CAST: variants seen among roughly 807,000 people sequenced by gnomAD.
CAST encodes the protein MIR583 host.
CAST carries 76 observed loss-of-function variants against 119.6 expected under a neutral mutation model. The observed-to-expected ratio is 0.64, with a 90% CI of 0.53 to 0.77. CAST has a LOEUF of 0.77. Ranked by LOEUF, CAST falls within the 30% of genes least tolerant of loss-of-function variation. The pLI, the probability that CAST is intolerant of heterozygous loss-of-function variation, is 0.00. For missense variants in CAST, 953 were observed against 946.5 expected, an observed-to-expected ratio of 1.01 and a Z score of -0.09; for synonymous variants, 319 against 331.6, an observed-to-expected ratio of 0.96 and a Z score of 0.41.
At chr5:96,569,808 T>G (rs1746540573) in intron 1 of CAST, among the ~76,000 whole-genome samples, 2 of 152,250 alleles carry the variant, frequency 1.3e-5, no homozygotes, top group African/African-American at 4.8e-5. Context: ...CTCCTCAGCA[T>G]TGTTTTACTG....
At chr5:96,667,816 C>A (rs1749533888) in intron 1 of CAST, among the ~76,000 whole-genome samples, 1 of 152,126 alleles carries the variant, frequency 6.6e-6, no homozygotes, top group Non-Finnish European at 1.5e-5. Flanking sequence ...AGTTCAAGAC[C>A]AGCCTGGCCA....
At chr5:96,743,883 G>T in intron 16 of CAST, 1 of 601,748 alleles carries the variant, frequency 1.7e-6, no homozygotes, top group Non-Finnish European at 2.8e-6. Context: ...AGGAGGCCAA[G>T]CTGAGTTGTG....
At chr5:96,194,368 T>C in the CAST span, among the ~76,000 whole-genome samples, 6 of 152,190 alleles carry the variant, frequency 3.9e-5, no homozygotes, top group Non-Finnish European at 7.4e-5. Flanking sequence ...CTGCATGTTC[T>C]TAAAACAGGT....
the CAST span, among the ~76,000 whole-genome samples, chr5:96,393,889 G>C: frequency 2.6e-5 from 4 of 152,208 alleles, no homozygotes; most frequent in Admixed American, 2.6e-4. Context: ...CTAGGCTGGG[G>C]AGGAGGGAGC....
the CAST span, chr5:96,423,439 T>C: frequency 6.2e-7 from 1 of 1,614,132 alleles, no homozygotes; most frequent in East Asian, 2.2e-5. Context: ...TGGGCAGGGC[T>C]GCCGTCATCC....
chr5:96,068,995 A>G, the CAST span, among the ~76,000 whole-genome samples: 1 of 151,206 alleles, frequency 6.6e-6, no homozygotes, highest in Non-Finnish European at 1.5e-5. Context: ...ACGGATGTAT[A>G]TATGTATATA....
At chr5:96,005,028 T>C in the CAST span, among the ~76,000 whole-genome samples, 3 of 152,218 alleles carry the variant, frequency 2.0e-5, no homozygotes, top group Non-Finnish European at 4.4e-5. Flanking sequence ...GCCTCTAGAA[T>C]TCTGAGAGAA....
chr5:96,256,382 T>C, the CAST span, among the ~76,000 whole-genome samples: 6 of 142,986 alleles, frequency 4.2e-5, no homozygotes, highest in Non-Finnish European at 7.6e-5. Flanking sequence ...TATATATATA[T>C]ACTATATAAA....
At chr5:96,125,096 G>C in the CAST span, among the ~76,000 whole-genome samples, 1 of 152,134 alleles carries the variant, frequency 6.6e-6, no homozygotes, top group Non-Finnish European at 1.5e-5. Flanking sequence ...TATCGTAACT[G>C]CCCATACCTT....
At chr5:96,638,077 G>T (rs1266259242) in intron 1 of CAST, among the ~76,000 whole-genome samples, 12 of 152,278 alleles carry the variant, frequency 7.9e-5, no homozygotes, top group Non-Finnish European at 1.5e-5. Flanking sequence ...GAAGAGGTTG[G>T]GCCCTTCATC....
chr5:96,453,097 T>C, the CAST span, among the ~76,000 whole-genome samples: 1 of 152,006 alleles, frequency 6.6e-6, no homozygotes, highest in Non-Finnish European at 1.5e-5. Flanking sequence ...TTTATTTCAG[T>C]TAAGGAAGAA....
At chr5:96,252,824 A>C in the CAST span, among the ~76,000 whole-genome samples, 1 of 152,154 alleles carries the variant, frequency 6.6e-6, no homozygotes, top group Admixed American at 6.6e-5. Flanking sequence ...AACTATTGAT[A>C]AAATGGGATG....
the CAST span, among the ~76,000 whole-genome samples, chr5:96,383,203 T>C: frequency 3.3e-5 from 5 of 152,104 alleles, no homozygotes; most frequent in Non-Finnish European, 5.9e-5. Context: ...GGAAAGAATT[T>C]ATAAACTAAG....
intron 2 of CAST, among the ~76,000 whole-genome samples, chr5:96,691,508 C>T (rs914351788): frequency 6.6e-6 from 1 of 152,202 alleles, no homozygotes; most frequent in African/African-American, 2.4e-5. Flanking sequence ...TAAGTCTTCT[C>T]ATGTGTACCA....
the CAST span, among the ~76,000 whole-genome samples, chr5:96,519,445 C>A: frequency 6.6e-6 from 1 of 152,132 alleles, no homozygotes; most frequent in Non-Finnish European, 1.5e-5. Flanking sequence ...TTGCAAGCAG[C>A]TAATTTTGTC....
the CAST span, among the ~76,000 whole-genome samples, chr5:96,037,965 C>T: frequency 6.6e-6 from 1 of 152,130 alleles, no homozygotes; most frequent in Non-Finnish European, 1.5e-5. Context: ...TCTTCAGATT[C>T]ATCGCAATGT....
At chr5:96,489,753 G>A in the CAST span, among the ~76,000 whole-genome samples, 1 of 152,088 alleles carries the variant, frequency 6.6e-6, no homozygotes, top group South Asian at 2.1e-4. Context: ...TAGACAATAG[G>A]CTCCAACAAC....
the CAST span, among the ~76,000 whole-genome samples, chr5:96,119,651 G>A: frequency 2.0e-5 from 3 of 152,168 alleles, no homozygotes; most frequent in Non-Finnish European, 4.4e-5. Flanking sequence ...TGAAAAGAAT[G>A]ATTTAAGATG....
chr5:96,485,244 A>T, the CAST span, among the ~76,000 whole-genome samples: 1 of 152,118 alleles, frequency 6.6e-6, no homozygotes, highest in Admixed American at 6.5e-5. Context: ...AACAATACGA[A>T]CACTCACAAG....
Sources: allele counts gnomAD v4.1 joint callset (sites outside exome capture counted in the v4.1 genomes callset), GRCh38; gene constraint gnomAD v4.1.1; transcripts MANE v1.5; gene names NCBI Gene and HGNC (gene_info 2026-07-23, HGNC 2026-07-21).